The following KCTD16 variants were observed in gnomAD, a reference collection of about 807,000 sequenced individuals.
KCTD16 encodes the protein BTB/POZ domain-containing protein KCTD16.
Under a neutral mutation model 33.2 loss-of-function variants are expected in KCTD16, and 13 were observed. The ratio of observed to expected loss-of-function variants is 0.39; its 90% confidence interval spans 0.25 to 0.62. KCTD16 has a LOEUF of 0.62. KCTD16 is among the 20% of genes least tolerant of loss of function. The pLI, the probability that KCTD16 is intolerant of heterozygous loss-of-function variation, is 0.50. For synonymous variants in KCTD16, 197 were observed against 195.3 expected, an observed-to-expected ratio of 1.01 and a Z score of -0.07; for missense variants, 441 against 525.1, an observed-to-expected ratio of 0.84 and a Z score of 1.57.
intron 3 of KCTD16, among the ~76,000 whole-genome samples, chr5:144,371,951 C>G (rs1166060253): frequency 6.6e-6 from 1 of 152,070 alleles, no homozygotes; most frequent in East Asian, 1.9e-4. Context: ...TTAACCACAC[C>G]CCTTCTCAAT....
chr5:144,273,788 G>A (rs2126849052), intron 3 of KCTD16, among the ~76,000 whole-genome samples: 1 of 151,956 alleles, frequency 6.6e-6, no homozygotes, highest in Admixed American at 6.6e-5. Context: ...GGGGGAAATA[G>A]GGAGTTACTT....
At chr5:144,393,029 A>T (rs1295693809) in intron 3 of KCTD16, among the ~76,000 whole-genome samples, 2 of 152,210 alleles carry the variant, frequency 1.3e-5, no homozygotes, top group African/African-American at 4.8e-5. Context: ...TAATTAATTT[A>T]AAAATAAACT....
chr5:144,388,065 G>GTTTTTTTTTTTTTTTTTTTTTTTTTTT (rs397999492), intron 3 of KCTD16, among the ~76,000 whole-genome samples: 1 of 73,660 alleles, frequency 1.4e-5, no homozygotes, highest in African/African-American at 6.2e-5. Flanking sequence ...TTTAGAGCAA[G>GTTTTTTTTTTTTTTTTTTTTTTTTTTT]TTTTTTTTTT....
intron 3 of KCTD16, among the ~76,000 whole-genome samples, chr5:144,442,696 T>C (rs1441971049): frequency 6.6e-6 from 1 of 151,884 alleles, no homozygotes; most frequent in African/African-American, 2.4e-5. Context: ...AAGATCTCCA[T>C]TGTTTTTGAC....
chr5:144,275,490 C>A (rs1353902402), intron 3 of KCTD16, among the ~76,000 whole-genome samples: 1 of 152,128 alleles, frequency 6.6e-6, no homozygotes, highest in African/African-American at 2.4e-5. Flanking sequence ...GGAGATTTCT[C>A]CCCTTTCTCC....
chr5:144,187,386 G>A (rs772561399), intron 2 of KCTD16, among the ~76,000 whole-genome samples: 2 of 151,872 alleles, frequency 1.3e-5, no homozygotes, highest in Admixed American at 6.6e-5. Context: ...AAATAACAGA[G>A]TCAATAAATT....
At chr5:144,435,089 T>G (rs1255208041) in intron 3 of KCTD16, among the ~76,000 whole-genome samples, 2 of 152,096 alleles carry the variant, frequency 1.3e-5, no homozygotes, top group Non-Finnish European at 2.9e-5. Context: ...CTTAAAAAAG[T>G]TTTTGTGATC....
intron 3 of KCTD16, among the ~76,000 whole-genome samples, chr5:144,369,725 C>T (rs1751923956): frequency 6.6e-6 from 1 of 152,082 alleles, no homozygotes; most frequent in Non-Finnish European, 1.5e-5. Context: ...AATCTAATCT[C>T]CTTAGTAAGG....
At chr5:144,417,958 A>G (rs1753110240) in intron 3 of KCTD16, among the ~76,000 whole-genome samples, 1 of 152,020 alleles carries the variant, frequency 6.6e-6, no homozygotes, top group Non-Finnish European at 1.5e-5. Context: ...GTGTGTCCGG[A>G]GTTTGTTCCT....
chr5:144,172,117 C>A (rs1465142709), intron 1 of KCTD16, among the ~76,000 whole-genome samples: 1 of 152,058 alleles, frequency 6.6e-6, no homozygotes, highest in Admixed American at 6.6e-5. Flanking sequence ...TCAACACCCC[C>A]CACCCCAATA....
chr5:144,227,808 A>G (rs966893649), intron 3 of KCTD16, among the ~76,000 whole-genome samples: 1 of 152,220 alleles, frequency 6.6e-6, no homozygotes, highest in Non-Finnish European at 1.5e-5. Context: ...AGGTAGAGGC[A>G]TCAGAATATG....
intron 2 of KCTD16, among the ~76,000 whole-genome samples, chr5:144,178,654 A>G (rs1752553903): frequency 6.6e-6 from 1 of 152,228 alleles, no homozygotes; most frequent in East Asian, 1.9e-4. Context: ...CTGGAAGAGA[A>G]TATAAACATT....
chr5:144,245,969 G>A (rs973935284), intron 3 of KCTD16, among the ~76,000 whole-genome samples: 5 of 152,142 alleles, frequency 3.3e-5, no homozygotes, highest in African/African-American at 1.2e-4. Context: ...CTAACATGGG[G>A]ACACAAGATG....
intron 3 of KCTD16, among the ~76,000 whole-genome samples, chr5:144,435,658 T>C (rs1157094167): frequency 6.6e-6 from 1 of 152,222 alleles, no homozygotes; most frequent in Admixed American, 6.6e-5. Flanking sequence ...AAAATGTTGA[T>C]AAATATTGCC....
chr5:144,237,735 C>A (rs1291493353), intron 3 of KCTD16, among the ~76,000 whole-genome samples: 2 of 152,094 alleles, frequency 1.3e-5, no homozygotes, highest in Non-Finnish European at 2.9e-5. Context: ...GCCCAGAGTT[C>A]CTGATCATGT....
intron 3 of KCTD16, among the ~76,000 whole-genome samples, chr5:144,377,278 A>G (rs142847059): frequency 2.4e-4 from 37 of 152,184 alleles, no homozygotes; most frequent in African/African-American, 7.5e-4. Context: ...GATACAGCAT[A>G]CATGAGTCAA....
At chr5:144,237,048 A>C (rs544590308) in intron 3 of KCTD16, among the ~76,000 whole-genome samples, 1 of 152,092 alleles carries the variant, frequency 6.6e-6, no homozygotes, top group South Asian at 2.1e-4. Flanking sequence ...GATGGTTGGA[A>C]ATACTACAAT....
intron 3 of KCTD16, among the ~76,000 whole-genome samples, chr5:144,215,396 T>C (rs1343258669): frequency 6.6e-6 from 1 of 152,210 alleles, no homozygotes; most frequent in Admixed American, 6.5e-5. Flanking sequence ...ACCGACAAGG[T>C]TGCCTTCTTA....
At chr5:144,315,775 A>G (rs547318673) in intron 3 of KCTD16, among the ~76,000 whole-genome samples, 8 of 152,206 alleles carry the variant, frequency 5.3e-5, no homozygotes, top group Non-Finnish European at 1.2e-4. Context: ...CTTAATTACT[A>G]TATTTAACTA....
Sources: allele counts gnomAD v4.1 joint callset (sites outside exome capture counted in the v4.1 genomes callset), GRCh38; gene constraint gnomAD v4.1.1; transcripts MANE v1.5; gene names NCBI Gene and HGNC (gene_info 2026-07-23, HGNC 2026-07-21).